Variants in POFUT3 observed in about 807,000 individuals in gnomAD.
POFUT3 encodes the protein GDP-fucose protein O-fucosyltransferase 3.
At chr8:33,422,006 AAC>A in the POFUT3 span, among the ~76,000 whole-genome samples, 3 of 151,370 alleles carry the variant, frequency 2.0e-5, no homozygotes, top group South Asian at 2.1e-4. Context: ...CTAAAAAAAA[AAC>A]AACCACACAG....
At chr8:33,436,460 G>A in the POFUT3 span, 4 of 1,431,904 alleles carry the variant, frequency 2.8e-6, no homozygotes, top group Non-Finnish European at 3.9e-6. Flanking sequence ...TTGCCCACAT[G>A]CAACTTGGTT....
chr8:33,424,463 C>T, the POFUT3 span, among the ~76,000 whole-genome samples: 1 of 152,176 alleles, frequency 6.6e-6, no homozygotes, highest in South Asian at 2.1e-4. Context: ...CTGCTACCAG[C>T]AAGAAGTAAT....
At chr8:33,380,109 T>C in the POFUT3 span, among the ~76,000 whole-genome samples, 55 of 74,130 alleles carry the variant, frequency 7.4e-4, 2 homozygotes, top group Admixed American at 1.6e-3. Context: ...ACTATATATA[T>C]ACTATATATA....
At chr8:33,348,680 G>GA in the POFUT3 span, among the ~76,000 whole-genome samples, 1 of 152,134 alleles carries the variant, frequency 6.6e-6, no homozygotes, top group African/African-American at 2.4e-5. Context: ...GAGTCCTGAA[G>GA]AAAAAACAGG....
At chr8:33,405,206 T>A in the POFUT3 span, among the ~76,000 whole-genome samples, 1 of 151,782 alleles carries the variant, frequency 6.6e-6, no homozygotes, top group Non-Finnish European at 1.5e-5. Context: ...GGCAGGAGAA[T>A]CACTTGAACC....
the POFUT3 span, among the ~76,000 whole-genome samples, chr8:33,384,909 G>C: frequency 6.6e-6 from 1 of 152,114 alleles, no homozygotes; most frequent in African/African-American, 2.4e-5. Flanking sequence ...TGGTGAGAGA[G>C]GTACCAAAAT....
chr8:33,437,891 C>G, the POFUT3 span, among the ~76,000 whole-genome samples: 1 of 152,110 alleles, frequency 6.6e-6, no homozygotes, highest in African/African-American at 2.4e-5. Context: ...AATTATATGA[C>G]TGCCTACCAG....
At chr8:33,402,581 T>C in the POFUT3 span, among the ~76,000 whole-genome samples, 1 of 152,098 alleles carries the variant, frequency 6.6e-6, no homozygotes, top group Non-Finnish European at 1.5e-5. Flanking sequence ...AGCAAAAAAC[T>C]TGGTCCAGGA....
At chr8:33,435,397 T>C in the POFUT3 span, among the ~76,000 whole-genome samples, 1 of 152,126 alleles carries the variant, frequency 6.6e-6, no homozygotes, top group Non-Finnish European at 1.5e-5. Flanking sequence ...TTTGTATTTT[T>C]AGTAGAGATG....
At chr8:33,365,342 C>T in the POFUT3 span, among the ~76,000 whole-genome samples, 1 of 151,972 alleles carries the variant, frequency 6.6e-6, no homozygotes, top group Non-Finnish European at 1.5e-5. Context: ...TCAGGACATA[C>T]GCATGGGCAA....
chr8:33,320,129 A>G, the POFUT3 span, among the ~76,000 whole-genome samples: 1 of 151,978 alleles, frequency 6.6e-6, no homozygotes, highest in Non-Finnish European at 1.5e-5. Flanking sequence ...ATGAGATCTT[A>G]TAAATGATTT....
the POFUT3 span, among the ~76,000 whole-genome samples, chr8:33,314,570 CAT>C: frequency 6.6e-6 from 1 of 152,194 alleles, no homozygotes; most frequent in Non-Finnish European, 1.5e-5. Flanking sequence ...AATGAGCTCA[CAT>C]GTGTAAAGCA....
chr8:33,447,423 T>C, the POFUT3 span, among the ~76,000 whole-genome samples: 5 of 150,970 alleles, frequency 3.3e-5, no homozygotes, highest in African/African-American at 1.2e-4. Context: ...CACTCCAGCC[T>C]GGGCGACAGG....
the POFUT3 span, among the ~76,000 whole-genome samples, chr8:33,339,335 A>T: frequency 6.6e-6 from 1 of 152,198 alleles, no homozygotes; most frequent in Non-Finnish European, 1.5e-5. Flanking sequence ...GACGGGAAAG[A>T]GGAAAGAATC....
At chr8:33,469,708 T>C in the POFUT3 span, among the ~76,000 whole-genome samples, 1 of 152,020 alleles carries the variant, frequency 6.6e-6, no homozygotes, top group Non-Finnish European at 1.5e-5. Flanking sequence ...ATCTACTTGA[T>C]GTAGAAACTA....
the POFUT3 span, among the ~76,000 whole-genome samples, chr8:33,465,865 A>G: frequency 6.9e-4 from 105 of 152,328 alleles, no homozygotes; most frequent in African/African-American, 2.4e-3. Flanking sequence ...ATGAAGGAAC[A>G]TAGTGACAGC....
At chr8:33,456,004 G>A in the POFUT3 span, 2 of 349,918 alleles carry the variant, frequency 5.7e-6, no homozygotes, top group Non-Finnish European at 1.1e-5. Context: ...AGACGCCAAA[G>A]TCAACACTAG....
At chr8:33,344,495 C>A in the POFUT3 span, among the ~76,000 whole-genome samples, 3 of 152,192 alleles carry the variant, frequency 2.0e-5, no homozygotes, top group Admixed American at 6.5e-5. Flanking sequence ...GCTCACAGAG[C>A]CCCCTCTGAA....
the POFUT3 span, among the ~76,000 whole-genome samples, chr8:33,417,206 G>A: frequency 4.6e-5 from 7 of 152,190 alleles, no homozygotes; most frequent in African/African-American, 1.4e-4. Context: ...AGAACCTGAC[G>A]CCTGATGAAC....
Sources: allele counts gnomAD v4.1 joint callset (sites outside exome capture counted in the v4.1 genomes callset), GRCh38; gene constraint gnomAD v4.1.1; transcripts MANE v1.5; gene names NCBI Gene and HGNC (gene_info 2026-07-23, HGNC 2026-07-21).